The following NRG3 variants were observed in gnomAD, a reference collection of about 807,000 sequenced individuals.
The protein encoded by NRG3 is pro-neuregulin-3, membrane-bound isoform.
In NRG3, 31 loss-of-function variants were observed where a neutral mutation model predicts 66.9. That is an observed-to-expected ratio of 0.46 (90% CI 0.35 to 0.63). NRG3 has a LOEUF of 0.63. Ranked by LOEUF, NRG3 falls within the 20% of genes least tolerant of loss-of-function variation. The probability of loss-of-function intolerance (pLI) is 0.00; values close to 1 mark genes in which losing one functional copy is unlikely to be tolerated. For synonymous variants in NRG3, 393 were observed against 359.4 expected, an observed-to-expected ratio of 1.09 and a Z score of -1.06; for missense variants, 910 against 878.9, an observed-to-expected ratio of 1.04 and a Z score of -0.45.
chr10:82,380,165 T>C (rs1323835877), intron 2 of NRG3, among the ~76,000 whole-genome samples: 1 of 152,124 alleles, frequency 6.6e-6, no homozygotes, highest in Non-Finnish European at 1.5e-5. Flanking sequence ...TTTTTACTTA[T>C]GGCTTCAGGG....
At chr10:82,603,336 C>T (rs1662497710) in intron 2 of NRG3, among the ~76,000 whole-genome samples, 1 of 152,128 alleles carries the variant, frequency 6.6e-6, no homozygotes, top group African/African-American at 2.4e-5. Flanking sequence ...TTTATTCAAA[C>T]CATATTGTAT....
intron 2 of NRG3, among the ~76,000 whole-genome samples, chr10:82,521,916 C>G (rs1418996802): frequency 6.6e-6 from 1 of 152,150 alleles, no homozygotes; most frequent in East Asian, 1.9e-4. Flanking sequence ...TAAAATGCAA[C>G]TCCTCATCTG....
intron 1 of NRG3, among the ~76,000 whole-genome samples, chr10:81,909,747 C>T (rs150168572): frequency 0.011 from 1,662 of 152,252 alleles, 17 homozygotes; most frequent in Non-Finnish European, 0.016. Flanking sequence ...CAGCATTTCT[C>T]TGTACAAAGC....
chr10:82,872,387 G>C (rs1275693756), intron 4 of NRG3, among the ~76,000 whole-genome samples: 1 of 152,052 alleles, frequency 6.6e-6, no homozygotes, highest in Non-Finnish European at 1.5e-5. Context: ...GTCACAAGGA[G>C]GTAATGATCT....
intron 2 of NRG3, among the ~76,000 whole-genome samples, chr10:82,712,257 A>T: frequency 6.6e-6 from 1 of 152,198 alleles, no homozygotes; most frequent in East Asian, 1.9e-4. Flanking sequence ...GTTTTTTAAA[A>T]GATTATACTA....
In NRG3 at chr10:82,083,743, C is replaced by T. The variant is rs748248773; in HGVS notation, c.823+207580C>T. On this transcript the variant is annotated intron_variant, in intron 1 of 8. Transcript: ENST00000372141. Reference sequence around the variant, plus strand: ...CCGAGTAGCTGGGATTACAGGCATGCGCCACCATGCCCGGCTAATGTTTTT... The same window carrying T: ...CCGAGTAGCTGGGATTACAGGCATGTGCCACCATGCCCGGCTAATGTTTTT... Among the ~76,000 whole-genome samples, 8 of 151,506 alleles carry T rather than the reference C, an allele frequency of 5.3e-5. No homozygotes were observed. The South Asian group carries it at 6.3e-4, about 12-fold the overall frequency.
At chr10:82,108,832 A>C (rs1230123659) in intron 1 of NRG3, among the ~76,000 whole-genome samples, 1 of 152,186 alleles carries the variant, frequency 6.6e-6, no homozygotes, top group East Asian at 1.9e-4. Flanking sequence ...GAAGAGTACC[A>C]TGTGGCCACA....
chr10:82,382,123 T>G (rs2085656934), intron 2 of NRG3, among the ~76,000 whole-genome samples: 1 of 152,106 alleles, frequency 6.6e-6, no homozygotes, highest in South Asian at 2.1e-4. Flanking sequence ...TTGTTTTATT[T>G]GTATTACCTT....
intron 1 of NRG3, among the ~76,000 whole-genome samples, chr10:82,247,883 T>A (rs1180754148): frequency 1.3e-5 from 2 of 152,302 alleles, no homozygotes; most frequent in East Asian, 3.9e-4. Flanking sequence ...TGATTTTCAT[T>A]CTACCTAACT....
intron 3 of NRG3, among the ~76,000 whole-genome samples, chr10:82,824,179 G>C (rs1281531933): frequency 6.6e-6 from 1 of 152,080 alleles, no homozygotes; most frequent in Non-Finnish European, 1.5e-5. Flanking sequence ...AACTTTTCAA[G>C]GTTCTTTTAC....
chr10:82,358,791 C>A lies in NRG3; in HGVS notation c.876C>A (p.Asp292Glu). The A allele has an allele frequency of 6.2e-7, 1 of 1,614,164 alleles. No individual in the cohort carries two copies. The highest frequency in any genetic ancestry group is 8.5e-7 in the Non-Finnish European group (1 of 1,180,030). The change falls in exon 2 of 9, where the codon GAC becomes GAA. Residue 292 changes from aspartate (D) to glutamate (E), a missense_variant. Asp to Glu is a conservative substitution (Grantham distance 45). Coordinates refer to ENST00000372141, the MANE Select transcript of NRG3 (RefSeq NM_001010848.4). Reference sequence around the variant, plus strand: ...CCGAGCACTTCAAACCCTGCCGAGACAAGGACCTTGCATACTGTCTCAATG... The same window carrying A: ...CCGAGCACTTCAAACCCTGCCGAGAAAAGGACCTTGCATACTGTCTCAATG... ...ERSEHFKPCRDKDLAYCLNDG... is the reference protein window; with the variant it reads ...ERSEHFKPCREKDLAYCLNDG...
intron 1 of NRG3, among the ~76,000 whole-genome samples, chr10:82,088,912 C>A (rs1370304328): frequency 6.6e-6 from 1 of 152,078 alleles, no homozygotes; most frequent in Non-Finnish European, 1.5e-5. Context: ...CATCGTTGTA[C>A]CTTTGCCATA....
intron 4 of NRG3, among the ~76,000 whole-genome samples, chr10:82,907,978 A>G (rs192970673): frequency 1.3e-3 from 205 of 152,348 alleles, no homozygotes; most frequent in Non-Finnish European, 2.4e-3. Context: ...GGGATAAACC[A>G]TCATTCCTCC....
At chr10:82,592,403 C>A (rs1590798294) in intron 2 of NRG3, among the ~76,000 whole-genome samples, 1 of 152,286 alleles carries the variant, frequency 6.6e-6, no homozygotes, top group South Asian at 2.1e-4. Context: ...AGGATGTCCT[C>A]TTACATTTCA....
chr10:81,961,042 C>G (rs1850310325), intron 1 of NRG3, among the ~76,000 whole-genome samples: 1 of 152,160 alleles, frequency 6.6e-6, no homozygotes, highest in Non-Finnish European at 1.5e-5. Flanking sequence ...CCTGCACCTT[C>G]TAAGCTAGCA....
chr10:81,983,815 G>A (rs990804238), intron 1 of NRG3, among the ~76,000 whole-genome samples: 2 of 152,034 alleles, frequency 1.3e-5, no homozygotes, highest in African/African-American at 4.8e-5. Context: ...TTAAATAATG[G>A]CCCTTCAAAT....
chr10:82,068,039 T>C (rs974549016), intron 1 of NRG3, among the ~76,000 whole-genome samples: 20 of 152,354 alleles, frequency 1.3e-4, no homozygotes, highest in African/African-American at 4.8e-4. Flanking sequence ...TCTTGAACAG[T>C]ACACAACTGA....
At chr10:82,477,673 A>G (rs2132113994) in intron 2 of NRG3, among the ~76,000 whole-genome samples, 1 of 152,324 alleles carries the variant, frequency 6.6e-6, no homozygotes, top group Admixed American at 6.5e-5. Context: ...ATGAGAACAG[A>G]AATTACTCTG....
At chr10:82,223,271 T>C (rs889312834) in intron 1 of NRG3, among the ~76,000 whole-genome samples, 1 of 152,090 alleles carries the variant, frequency 6.6e-6, no homozygotes, top group Non-Finnish European at 1.5e-5. Context: ...GTCTAGAACA[T>C]GGATAAAGCT....
Sources: gnomAD v4.1 joint callset for allele counts (sites outside exome capture counted in the v4.1 genomes callset) on GRCh38, gnomAD v4.1.1 for gene constraint, MANE v1.5 for transcripts, NCBI Gene and HGNC (gene_info 2026-07-23, HGNC 2026-07-21) for gene names.